The following CAMK2B variants were observed in gnomAD, a reference collection of about 807,000 sequenced individuals.
The protein encoded by CAMK2B is calcium/calmodulin-dependent protein kinase type II subunit beta.
CAMK2B carries 27 observed loss-of-function variants against 93.7 expected under a neutral mutation model. The ratio of observed to expected loss-of-function variants is 0.29; its 90% confidence interval spans 0.21 to 0.40. The LOEUF is 0.40. Ranked by LOEUF, CAMK2B falls within the 10% of genes least tolerant of loss-of-function variation. The pLI, the probability that CAMK2B is intolerant of heterozygous loss-of-function variation, is 1.00. For synonymous variants in CAMK2B, 374 were observed against 358.8 expected, an observed-to-expected ratio of 1.04 and a Z score of -0.48; for missense variants, 568 against 895.8, an observed-to-expected ratio of 0.63 and a Z score of 4.67.
chr7:44,220,318 G>C, intron 22 of CAMK2B, 24 bp from the exon 23 acceptor site: 2 of 1,582,486 alleles, frequency 1.3e-6, no homozygotes, highest in Non-Finnish European at 1.7e-6. Flanking sequence ...GCGGGGCGGG[G>C]GTCTCGGGTT....
rs1369852287 is a variant in CAMK2B, at chr7:44,224,623, G to T, written c.1597+1893C>A. Among the ~76,000 whole-genome samples the T allele has an allele frequency of 6.6e-6, 1 of 152,140 alleles. No homozygotes were observed. Among genetic ancestry groups the T allele is most frequent in the African/African-American group, 2.4e-5 (1 of 41,426 alleles). On this transcript the variant is annotated intron_variant, in intron 20 of 23. Transcript: ENST00000395749. The surrounding 1 kb of genome is among the most constrained non-coding windows in gnomAD (Gnocchi z 4.4). ...ATGCGTCCAGGTGGGGTCAGAGCAG[G>T]TTCTCATCCTGGCCTGGACTCCTGG...
rs1583907054 is a variant in CAMK2B, at chr7:44,230,907, C to T, written c.1225+99G>A. ...CCCCTCAACACATGCATAAACTAGGCGTCGCAGGAGAGTTGACCCTGCCCA... is the reference window on the plus strand; with the variant it reads ...CCCCTCAACACATGCATAAACTAGGTGTCGCAGGAGAGTTGACCCTGCCCA... On this transcript the variant is annotated intron_variant, in intron 17 of 23. Coordinates refer to ENST00000395749, the MANE Select transcript of CAMK2B (RefSeq NM_001220.5). 19 of 983,270 alleles carry T rather than the reference C, an allele frequency of 1.9e-5. No individual in the cohort carries two copies. The South Asian group carries it at 2.0e-4, about 10-fold the overall frequency. 60.9% of individuals were successfully genotyped at this position (983,270 alleles called of 1,614,324 possible).
intron 11 of CAMK2B, among the ~76,000 whole-genome samples, 197 bp from the exon 12 acceptor site, chr7:44,240,946 C>T (rs1392729544): frequency 2.0e-5 from 3 of 152,160 alleles, no homozygotes; most frequent in Non-Finnish European, 4.4e-5. Context: ...ATTTCCAGAA[C>T]TACACACACC....
chr7:44,265,935 T>C (rs572215801), intron 2 of CAMK2B, among the ~76,000 whole-genome samples: 2 of 152,238 alleles, frequency 1.3e-5, no homozygotes, highest in Admixed American at 1.3e-4. Context: ...ACACACGTCG[T>C]ATCGAGTGCT....
chr7:44,263,591 C>T lies in CAMK2B; in HGVS notation c.161-527G>A, dbSNP rs1422741047. ...AGGAGGTGGCCCCTCCTGCCCTGGC[C>T]GCTCTCCTCCCACCCCACAAGGTGC... is the stretch of plus-strand genomic sequence containing the variant. On this transcript the variant is annotated intron_variant, in intron 2 of 23. Transcript: ENST00000395749. 3.9e-5 allele frequency among the ~76,000 whole-genome samples: 6 copies of T among 152,174 alleles called. No homozygotes were observed. In the South Asian group the frequency reaches 8.3e-4, roughly 21 times the overall value.
rs1177231340 is a variant in CAMK2B at position 44,218,496 on chromosome 7, G to A, written c.*1029C>T. The A allele has an allele frequency of 2.0e-5, 3 of 152,292 alleles. No individual in the cohort carries two copies. The highest frequency in any genetic ancestry group is 1.9e-4 in the East Asian group (1 of 5,200). The allele number at this position is 152,292 out of a possible 1,614,324, so 9.4% of individuals were successfully genotyped here. On this transcript the variant is annotated 3_prime_UTR_variant, in exon 24 of 24. Coordinates refer to ENST00000395749, the MANE Select transcript of CAMK2B (RefSeq NM_001220.5). The stretch of plus-strand genomic sequence containing the variant: ...TTGTCAAAAGTCTGCTCCCCCTTGC[G>A]GGCTGCAGAGAAGCCGAACAGGCTG...
At chr7:44,240,866 G>A (rs1273834948) in intron 11 of CAMK2B, 117 bp from the exon 12 acceptor site, 2 of 1,070,950 alleles carry the variant, frequency 1.9e-6, no homozygotes, top group Admixed American at 4.2e-5. Flanking sequence ...TCATGAGGCT[G>A]ACATGACCTC....
rs2096448168 is a variant in CAMK2B, at chr7:44,224,253, A to C, written c.1597+2263T>G. 6.6e-6 allele frequency among the ~76,000 whole-genome samples: 1 copy of C among 152,060 alleles called. No homozygotes were observed. The highest frequency in any genetic ancestry group is 2.1e-4 in the South Asian group (1 of 4,818). The stretch of plus-strand genomic sequence containing the variant: ...TGCCCTGCGGAATGGCGCTGCCCAG[A>C]CCCCAGCTCAACCCAGCCCCCACTC... On this transcript the variant is annotated intron_variant, in intron 20 of 23. Transcript: ENST00000395749. The surrounding 1 kb of genome is among the most constrained non-coding windows in gnomAD (Gnocchi z 4.4).
rs1159826284 is a variant in CAMK2B at position 44,254,565 on chromosome 7, C to T, written c.318G>A (p.Glu106=). ...ACCTGGCATCAGCCTCGCTGTAGTA[C>T]TCTCTCGCCACAATGTCTTCAAAGA... ...GELFEDIVAR[E]YYSEADASHC... The change falls in exon 5 of 24, where the codon GAG becomes GAA. Residue 106 remains glutamate, a synonymous_variant. Coordinates refer to ENST00000395749, the MANE Select transcript of CAMK2B (RefSeq NM_001220.5). The T allele has an allele frequency of 3.1e-6, 5 of 1,612,502 alleles. No homozygotes were observed. Among genetic ancestry groups the T allele is most frequent in the East Asian group, 2.2e-5 (1 of 44,692 alleles).
At chr7:44,246,162 C>T (rs1344552924) in intron 6 of CAMK2B, among the ~76,000 whole-genome samples, 2 of 152,162 alleles carry the variant, frequency 1.3e-5, no homozygotes, top group Admixed American at 1.3e-4. Context: ...CCTGGCGAGT[C>T]CTGCTCTCAC....
intron 1 of CAMK2B, among the ~76,000 whole-genome samples, chr7:44,293,827 G>A (rs1050256510): frequency 1.2e-4 from 19 of 152,142 alleles, no homozygotes; most frequent in Non-Finnish European, 2.5e-4. Flanking sequence ...CGTGGCCTGA[G>A]GGTTGAGGAA....
At chr7:44,265,209 C>G (rs1160113993) in intron 2 of CAMK2B, among the ~76,000 whole-genome samples, 1 of 152,250 alleles carries the variant, frequency 6.6e-6, no homozygotes, top group East Asian at 1.9e-4. Flanking sequence ...CTCGCTTCTT[C>G]TGACGCGTGT....
chr7:44,232,943 G>C, intron 15 of CAMK2B, 77 bp from the exon 16 acceptor site: 1 of 1,311,322 alleles, frequency 7.6e-7, no homozygotes. Flanking sequence ...CACCAGGAGG[G>C]GAACAGGGAG....
chr7:44,229,078 C>T (rs956061727), intron 18 of CAMK2B, 154 bp from the exon 19 acceptor site: 11 of 770,376 alleles, frequency 1.4e-5, no homozygotes, highest in Admixed American at 2.1e-5. Flanking sequence ...AGCAGGGAGC[C>T]CCCCCGCCCG....
intron 2 of CAMK2B, among the ~76,000 whole-genome samples, chr7:44,279,311 T>G (rs1403605397): frequency 1.3e-5 from 2 of 152,146 alleles, no homozygotes; most frequent in Non-Finnish European, 2.9e-5. Flanking sequence ...GTGTTTGAAA[T>G]TTTCCACCAT....
intron 1 of CAMK2B, among the ~76,000 whole-genome samples, chr7:44,306,903 G>A (rs137945062): frequency 2.0e-4 from 28 of 141,778 alleles, no homozygotes; most frequent in Middle Eastern, 3.7e-3. Flanking sequence ...GCAGGAAGAC[G>A]GTGTGAGCAG....
chr7:44,313,905 C>T (rs73099821), intron 1 of CAMK2B, among the ~76,000 whole-genome samples: 85 of 151,736 alleles, frequency 5.6e-4, no homozygotes, highest in Non-Finnish European at 8.8e-4. Flanking sequence ...TTTTTGTTTG[C>T]GAAGACACTT....
At chr7:44,234,565 G>T in intron 14 of CAMK2B, 74 bp downstream of exon 14, 1 of 1,596,092 alleles carries the variant, frequency 6.3e-7, no homozygotes, top group Non-Finnish European at 8.6e-7. Context: ...CTCCAGAGCA[G>T]GAGCCCCAGG....
intron 1 of CAMK2B, among the ~76,000 whole-genome samples, chr7:44,292,656 G>A (rs975244177): frequency 2.0e-5 from 3 of 152,190 alleles, no homozygotes; most frequent in African/African-American, 7.2e-5. Context: ...GAACCTCCAA[G>A]AAGGGAGTAT....
Sources: allele counts gnomAD v4.1 joint callset (sites outside exome capture counted in the v4.1 genomes callset), GRCh38; gene constraint gnomAD v4.1.1; non-coding constraint Gnocchi (gnomAD v3.1); transcripts MANE v1.5; gene names NCBI Gene and HGNC (gene_info 2026-07-23, HGNC 2026-07-21).